The following RAPGEF1 variants were observed in gnomAD, a reference collection of about 807,000 sequenced individuals.
The protein encoded by RAPGEF1 is CRK SH3-binding GNRP.
In RAPGEF1, 33 loss-of-function variants were observed where a neutral mutation model predicts 143.3. The observed-to-expected ratio is 0.23, with a 90% CI of 0.17 to 0.31. The LOEUF (loss-of-function observed/expected upper bound fraction) is 0.31, where lower values mean the gene tolerates loss of function less well. Among genes scored for constraint, RAPGEF1 ranks in the 10% least tolerant of loss-of-function variants. The probability of loss-of-function intolerance (pLI) is 1.00; values close to 1 mark genes in which losing one functional copy is unlikely to be tolerated. For synonymous variants in RAPGEF1, 629 were observed against 676.5 expected, an observed-to-expected ratio of 0.93 and a Z score of 1.09; for missense variants, 1,199 against 1,645.4, an observed-to-expected ratio of 0.73 and a Z score of 4.69.
At chr9:131,635,139 TTAGAAATGAA>T (rs1966032879) in intron 5 of RAPGEF1, among the ~76,000 whole-genome samples, 1 of 152,118 alleles carries the variant, frequency 6.6e-6, no homozygotes, top group South Asian at 2.1e-4. Flanking sequence ...CTGTGAGCCG[TTAGAAATGAA>T]CACTTCTCCA....
chr9:131,590,967 T>C (rs1954128601), intron 18 of RAPGEF1, among the ~76,000 whole-genome samples: 1 of 152,192 alleles, frequency 6.6e-6, no homozygotes, highest in Non-Finnish European at 1.5e-5. Context: ...ATGTATAATA[T>C]GGTAATTTTA....
chr9:131,582,734 G>C, intron 24 of RAPGEF1, 32 bp from the exon 25 acceptor site: 1 of 1,533,372 alleles, frequency 6.5e-7, no homozygotes, highest in Non-Finnish European at 8.8e-7. Context: ...GGACCGGACA[G>C]GGGTGAGCGA....
At chr9:131,646,167 C>T (rs946965100) in intron 3 of RAPGEF1, among the ~76,000 whole-genome samples, 14 of 152,286 alleles carry the variant, frequency 9.2e-5, no homozygotes, top group African/African-American at 3.4e-4. Flanking sequence ...AAGGTTACAA[C>T]CACCCTGTGA....
chr9:131,582,096 A>G (rs1951946126), intron 25 of RAPGEF1, among the ~76,000 whole-genome samples: 1 of 152,192 alleles, frequency 6.6e-6, no homozygotes, highest in Admixed American at 6.5e-5. Context: ...TCTATGAAAC[A>G]CATATTTCCT....
intron 3 of RAPGEF1, among the ~76,000 whole-genome samples, chr9:131,649,001 GTTTAT>G (rs921379929): frequency 6.6e-6 from 1 of 151,918 alleles, no homozygotes; most frequent in Non-Finnish European, 1.5e-5. Flanking sequence ...TGTCTACAAG[GTTTAT>G]TTTATTTTAC....
At chr9:131,716,941 G>C (rs12336419) in intron 1 of RAPGEF1, among the ~76,000 whole-genome samples, 13,339 of 152,120 alleles carry the variant, frequency 0.088, 719 homozygotes, top group East Asian at 0.26. Context: ...GCATAGCCGT[G>C]CACCTGCCTG....
chr9:131,579,689 G>A, intron 26 of RAPGEF1, 42 bp from the exon 27 acceptor site: 1 of 1,601,804 alleles, frequency 6.2e-7, no homozygotes, highest in Non-Finnish European at 8.5e-7. Context: ...CACCTGTGTG[G>A]GCTGGATGGC....
intron 1 of RAPGEF1, among the ~76,000 whole-genome samples, chr9:131,721,762 G>C (rs1326229095): frequency 6.6e-6 from 1 of 151,744 alleles, no homozygotes; most frequent in Non-Finnish European, 1.5e-5. Flanking sequence ...CTTTTTTCTT[G>C]TCAATATTCC....
At chr9:131,678,802 T>TG (rs1403514369) in intron 1 of RAPGEF1, among the ~76,000 whole-genome samples, 1 of 152,072 alleles carries the variant, frequency 6.6e-6, no homozygotes, top group African/African-American at 2.4e-5. Context: ...GCCTCCATGA[T>TG]GGGGGGTGCC....
chr9:131,591,608 C>A (rs181019269), intron 18 of RAPGEF1, among the ~76,000 whole-genome samples: 194 of 152,252 alleles, frequency 1.3e-3, no homozygotes, highest in Non-Finnish European at 2.5e-3. Context: ...ATGTGGCAGT[C>A]GCAGGGTCCG....
At chr9:131,647,607 T>C (rs567825094) in intron 3 of RAPGEF1, among the ~76,000 whole-genome samples, 192 of 152,358 alleles carry the variant, frequency 1.3e-3, no homozygotes, top group African/African-American at 4.4e-3. Flanking sequence ...GCAAGGTTTC[T>C]TGGACATAAT....
Position 131,584,259 on chromosome 9 carries a change from G to A in RAPGEF1, c.3414+52C>T. On this transcript the variant is annotated intron_variant, in intron 24 of 26. Transcript: ENST00000683357. This position sits in a 1 kb window ranked among gnomAD's most constrained non-coding sequence, Gnocchi z 6.8. The stretch of plus-strand genomic sequence containing the variant: ...TGCCACAGCTAGTCGCCTGAGGGCT[G>A]GGCGGCCCCCCTTACCAGCCACCCT... The A allele has an allele frequency of 6.7e-7, 1 of 1,492,768 alleles. No individual in the cohort carries two copies. The highest frequency in any genetic ancestry group is 9.2e-7 in the Non-Finnish European group (1 of 1,090,024). 92.5% of individuals were successfully genotyped at this position (1,492,768 alleles called of 1,614,324 possible).
Position 131,584,269 on chromosome 9 carries a change from C to G in RAPGEF1, c.3414+42G>C. On this transcript the variant is annotated intron_variant, in intron 24 of 26. Coordinates refer to ENST00000683357, the MANE Select transcript of RAPGEF1 (RefSeq NM_001377935.1). This position sits in a 1 kb window ranked among gnomAD's most constrained non-coding sequence, Gnocchi z 6.8. ...AGTCGCCTGAGGGCTGGGCGGCCCC[C>G]CTTACCAGCCACCCTCCCGCCCACG... is the stretch of plus-strand genomic sequence containing the variant. 1 of 1,538,366 alleles carries G rather than the reference C, an allele frequency of 6.5e-7. No homozygotes were observed. The highest frequency in any genetic ancestry group is 8.9e-7 in the Non-Finnish European group (1 of 1,128,024).
At position 131,623,786 on chromosome 9, in the gene RAPGEF1, C is replaced by T. The variant is rs117942594; in HGVS notation, c.1703-1788G>A. 3.3e-3 allele frequency among the ~76,000 whole-genome samples: 502 copies of T among 152,334 alleles called. 8 individuals carry two copies. Among genetic ancestry groups the T allele is most frequent in the East Asian group, 7.1e-3 (37 of 5,186 alleles). ...GGGCAAGAGGGGCTGGGGACCCTCA[C>T]GATGTCAGTGCATCCCAAATGATGA... On this transcript the variant is annotated intron_variant, in intron 10 of 26. Transcript: ENST00000683357.
intron 5 of RAPGEF1, among the ~76,000 whole-genome samples, chr9:131,631,643 C>T (rs1463462506): frequency 2.0e-5 from 3 of 152,232 alleles, no homozygotes; most frequent in African/African-American, 7.2e-5. Context: ...TAACCAGAGA[C>T]CCTGAACCAG....
chr9:131,628,590 C>T lies in RAPGEF1; in HGVS notation c.976G>A (p.Ala326Thr), dbSNP rs527872016. 23 of 1,613,024 alleles carry T rather than the reference C, an allele frequency of 1.4e-5. No homozygotes were observed. The highest frequency in any genetic ancestry group is 3.4e-6 in the Non-Finnish European group (4 of 1,179,142). ...ACAGGCAAACTGGAGCCACTGGTGG[C>T]TCGGCTCATGGGGGCCACCACAGCC... The part of the protein sequence containing the change: ...RVAVVAPMSR[A>T]TSGSSLPVGI... The change falls in exon 8 of 27, where the codon GCC becomes ACC. Residue 326 changes from alanine (A) to threonine (T), a missense_variant. Ala to Thr is a moderately conservative substitution (Grantham distance 58). This residue lies in a region of RAPGEF1 where 613 missense variants were observed against 710.9 expected (regional missense o/e 0.86). Coordinates refer to ENST00000683357, the MANE Select transcript of RAPGEF1 (RefSeq NM_001377935.1). This position sits in a 1 kb window ranked among gnomAD's most constrained non-coding sequence, Gnocchi z 5.7.
chr9:131,669,283 C>G (rs1461260317), intron 1 of RAPGEF1, among the ~76,000 whole-genome samples: 1 of 152,226 alleles, frequency 6.6e-6, no homozygotes, highest in Non-Finnish European at 1.5e-5. Flanking sequence ...TCCCAGACAA[C>G]AGGGGAAGGA....
intron 1 of RAPGEF1, among the ~76,000 whole-genome samples, chr9:131,707,138 T>C (rs1344838374): frequency 6.6e-6 from 1 of 152,212 alleles, no homozygotes; most frequent in East Asian, 1.9e-4. Context: ...GGATCAATGC[T>C]GATTTTCTCC....
At chr9:131,712,102 C>T (rs999073411) in intron 1 of RAPGEF1, among the ~76,000 whole-genome samples, 24 of 152,150 alleles carry the variant, frequency 1.6e-4, no homozygotes, top group Admixed American at 3.3e-4. Context: ...GTCTGTCGCA[C>T]CGTCTCCAAT....
Sources: allele counts gnomAD v4.1 joint callset (sites outside exome capture counted in the v4.1 genomes callset), GRCh38; gene constraint gnomAD v4.1.1; regional missense constraint gnomAD v4.1.1; non-coding constraint Gnocchi (gnomAD v3.1); transcripts MANE v1.5; gene names NCBI Gene and HGNC (gene_info 2026-07-23, HGNC 2026-07-21).